ENOX1: variants seen among roughly 807,000 people sequenced by gnomAD.
ENOX1 encodes ecto-NOX disulfide-thiol exchanger 1.
ENOX1 carries 42 observed loss-of-function variants against 82.5 expected under a neutral mutation model. That is an observed-to-expected ratio of 0.51 (90% CI 0.40 to 0.66). The LOEUF (loss-of-function observed/expected upper bound fraction) is 0.66, where lower values mean the gene tolerates loss of function less well. Among genes scored for constraint, ENOX1 ranks in the 30% least tolerant of loss-of-function variants. The pLI is 0.00. For synonymous variants in ENOX1, 271 were observed against 282.2 expected (o/e 0.96, Z 0.40); for missense variants, 608 against 811.6 (o/e 0.75, Z 3.05).
intron 3 of ENOX1, among the ~76,000 whole-genome samples, chr13:43,433,936 G>A (rs915283900): frequency 1.3e-5 from 2 of 152,202 alleles, no homozygotes; most frequent in Non-Finnish European, 2.9e-5. Context: ...CAGGCCTGAA[G>A]CTAGAGTCTT....
At chr13:43,326,267 C>A in intron 10 of ENOX1, 152 bp downstream of exon 10, 1 of 663,246 alleles carries the variant, frequency 1.5e-6, no homozygotes. Flanking sequence ...GGACAAGGAA[C>A]AAATCTCAGC....
At chr13:43,327,813 A>G (rs1476664336) in intron 9 of ENOX1, among the ~76,000 whole-genome samples, 21 of 152,234 alleles carry the variant, frequency 1.4e-4, no homozygotes. Flanking sequence ...ATGGAGCAGA[A>G]GGAAAAAAGC....
At chr13:43,240,712 T>C (rs570544394) in intron 14 of ENOX1, among the ~76,000 whole-genome samples, 1 of 152,326 alleles carries the variant, frequency 6.6e-6, no homozygotes, top group East Asian at 1.9e-4. Context: ...AAGGTTTCTA[T>C]AGCATCTTGT....
Position 43,664,103 on chromosome 13 carries a change from A to G in ENOX1, c.-219+3376T>C, listed in dbSNP as rs540602520. Among the ~76,000 whole-genome samples, 4 of 152,324 alleles carry G rather than the reference A, an allele frequency of 2.6e-5. No individual in the cohort carries two copies. In the South Asian group the frequency reaches 8.3e-4, roughly 32 times the overall value. Reference sequence around the variant, plus strand: ...AATTTGTTTAATTAATATACTTTCCATAATATAATAATTACATTCTAATGT... The same window carrying G: ...AATTTGTTTAATTAATATACTTTCCGTAATATAATAATTACATTCTAATGT... On this transcript the variant is annotated intron_variant, in intron 2 of 16. Transcript: ENST00000690772.
At chr13:43,303,769 C>T (rs1002271639) in intron 11 of ENOX1, among the ~76,000 whole-genome samples, 22 of 152,170 alleles carry the variant, frequency 1.4e-4, no homozygotes, top group Admixed American at 3.9e-4. Flanking sequence ...AAGCTCCTGG[C>T]GGGCATATTA....
At chr13:43,520,427 G>A (rs2077720663) in intron 2 of ENOX1, among the ~76,000 whole-genome samples, 1 of 152,124 alleles carries the variant, frequency 6.6e-6, no homozygotes, top group African/African-American at 2.4e-5. Context: ...ATGTTTGTTT[G>A]TTTTTCAATT....
intron 2 of ENOX1, among the ~76,000 whole-genome samples, chr13:43,603,499 T>C (rs1266469885): frequency 6.6e-6 from 1 of 151,406 alleles, no homozygotes; most frequent in African/African-American, 2.4e-5. Flanking sequence ...AACTCGTCAT[T>C]CAGCATTAGG....
intron 5 of ENOX1, among the ~76,000 whole-genome samples, chr13:43,409,988 G>A (rs1656177386): frequency 6.6e-6 from 1 of 152,168 alleles, no homozygotes; most frequent in Admixed American, 6.5e-5. Context: ...AACAGTTTAA[G>A]CAATTTGGCT....
chr13:43,386,844 C>T (rs1263431529), intron 5 of ENOX1, among the ~76,000 whole-genome samples: 2 of 152,020 alleles, frequency 1.3e-5, no homozygotes, highest in Non-Finnish European at 2.9e-5. Context: ...TTCATTGCAG[C>T]CAACTTTTGA....
Position 43,531,364 on chromosome 13 carries a change from C to G in ENOX1, c.-218-47212G>C, listed in dbSNP as rs568650352. ...GCCATCAGAGAAATGCAAATCAAAA[C>G]CACAATGAGACACCATCTCACACCA... On this transcript the variant is annotated intron_variant, in intron 2 of 16. Coordinates refer to ENST00000690772, the MANE Select transcript of ENOX1 (RefSeq NM_001347969.2). 1.6e-4 allele frequency among the ~76,000 whole-genome samples: 25 copies of G among 152,004 alleles called. 2 individuals are homozygous for G. In the East Asian group the frequency reaches 4.8e-3, roughly 29 times the overall value.
At chr13:43,473,625 C>G in intron 3 of ENOX1, among the ~76,000 whole-genome samples, 1 of 152,284 alleles carries the variant, frequency 6.6e-6, no homozygotes, top group East Asian at 1.9e-4. Flanking sequence ...CTCCAGCATA[C>G]GCACTCATCT....
At chr13:43,280,911 A>G (rs1227932129) in intron 12 of ENOX1, among the ~76,000 whole-genome samples, 1 of 152,200 alleles carries the variant, frequency 6.6e-6, no homozygotes. Flanking sequence ...AAGGGAAGTG[A>G]GAGGGAGAGG....
intron 14 of ENOX1, 106 bp downstream of exon 14, chr13:43,265,292 C>T: frequency 1.1e-6 from 1 of 912,698 alleles, no homozygotes; most frequent in South Asian, 1.9e-5. Context: ...AAGCTGCTGA[C>T]AGGCAGAGCT....
chr13:43,468,864 C>T (rs1461111748), intron 3 of ENOX1, among the ~76,000 whole-genome samples: 2 of 152,088 alleles, frequency 1.3e-5, no homozygotes, highest in African/African-American at 2.4e-5. Context: ...TTTATTGATG[C>T]TATTATGAAT....
chr13:43,730,288 G>C (rs1356681605), intron 1 of ENOX1, among the ~76,000 whole-genome samples: 1 of 152,140 alleles, frequency 6.6e-6, no homozygotes, highest in African/African-American at 2.4e-5. Flanking sequence ...TGCCCTACCA[G>C]CATATCTAAT....
At position 43,686,285 on chromosome 13, in the gene ENOX1, C is replaced by T. The variant is rs142617653; in HGVS notation, c.-284-18741G>A. The stretch of plus-strand genomic sequence containing the variant: ...GTGTAGGAAGCTTTAGTAACTCATT[C>T]AAGTCTCCCCTGTTAATCAGAGATG... On this transcript the variant is annotated intron_variant, in intron 1 of 16. Transcript: ENST00000690772. Among the ~76,000 whole-genome samples the T allele has an allele frequency of 7.6e-3, 1,149 of 152,154 alleles. 13 individuals are homozygous for T. Among genetic ancestry groups the T allele is most frequent in the Middle Eastern group, 0.014 (4 of 294 alleles).
At chr13:43,262,832 T>C (rs1310822358) in intron 14 of ENOX1, among the ~76,000 whole-genome samples, 3 of 152,198 alleles carry the variant, frequency 2.0e-5, no homozygotes, top group Admixed American at 1.3e-4. Context: ...GAGTATGTAC[T>C]CTAGGCTTGG....
intron 5 of ENOX1, among the ~76,000 whole-genome samples, chr13:43,391,497 A>G (rs180996697): frequency 6.6e-6 from 1 of 152,022 alleles, no homozygotes; most frequent in African/African-American, 2.4e-5. Flanking sequence ...AGGAGCTCCA[A>G]CCCGGGAAGT....
At chr13:43,761,596 C>T (rs1371773305) in intron 1 of ENOX1, among the ~76,000 whole-genome samples, 1 of 152,230 alleles carries the variant, frequency 6.6e-6, no homozygotes, top group African/African-American at 2.4e-5. Flanking sequence ...AGATTGTTTT[C>T]AGAAGAATTT....
Sources: gnomAD v4.1 joint callset for allele counts (sites outside exome capture counted in the v4.1 genomes callset) on GRCh38, gnomAD v4.1.1 for gene constraint, MANE v1.5 for transcripts, NCBI Gene and HGNC (gene_info 2026-07-23, HGNC 2026-07-21) for gene names.